STK10: variants seen among roughly 807,000 people sequenced by gnomAD.
STK10 encodes serine/threonine kinase 10.
Under a neutral mutation model 113.8 loss-of-function variants are expected in STK10, and 78 were observed. That is an observed-to-expected ratio of 0.69 (90% CI 0.57 to 0.83). The LOEUF is 0.83. Ranked by LOEUF, STK10 falls within the 40% of genes least tolerant of loss-of-function variation. The probability of loss-of-function intolerance (pLI) is 0.00; values close to 1 mark genes in which losing one functional copy is unlikely to be tolerated. For synonymous variants in STK10, 465 were observed against 494.7 expected (o/e 0.94, Z 0.80); for missense variants, 1,109 against 1,280.1 (o/e 0.87, Z 2.04).
chr5:172,111,271 T>C (rs1193553458), intron 4 of STK10, among the ~76,000 whole-genome samples: 1 of 152,106 alleles, frequency 6.6e-6, no homozygotes, highest in African/African-American at 2.4e-5. Context: ...AGGAAACCTT[T>C]TGGGAACAGT....
chr5:172,091,215 G>A (rs757187728), intron 9 of STK10, among the ~76,000 whole-genome samples: 4 of 152,072 alleles, frequency 2.6e-5, no homozygotes, highest in Non-Finnish European at 4.4e-5. Context: ...CACAATCCTC[G>A]CGCATGGTGC....
intron 4 of STK10, among the ~76,000 whole-genome samples, chr5:172,110,933 C>T (rs886518336): frequency 4.6e-5 from 7 of 152,174 alleles, no homozygotes; most frequent in African/African-American, 7.2e-5. Flanking sequence ...CCCGGCACCT[C>T]CTGGGAGTGG....
intron 2 of STK10, among the ~76,000 whole-genome samples, chr5:172,148,306 G>C (rs868079886): frequency 1.3e-5 from 2 of 152,176 alleles, no homozygotes; most frequent in African/African-American, 2.4e-5. Flanking sequence ...GTGACAGGGT[G>C]GGGGGCAGAG....
chr5:172,158,096 T>C (rs548393227), intron 1 of STK10, among the ~76,000 whole-genome samples: 129 of 152,274 alleles, frequency 8.5e-4, no homozygotes, highest in African/African-American at 3.0e-3. Context: ...CACACTAAGA[T>C]GGCTATAATT....
intron 1 of STK10, among the ~76,000 whole-genome samples, chr5:172,171,196 C>T (rs1475731226): frequency 6.6e-6 from 1 of 152,094 alleles, no homozygotes; most frequent in Non-Finnish European, 1.5e-5. Flanking sequence ...AAAATCAAAG[C>T]TTTTCATAAT....
At chr5:172,088,105 G>C (rs999064109) in intron 10 of STK10, among the ~76,000 whole-genome samples, 1 of 151,794 alleles carries the variant, frequency 6.6e-6, no homozygotes, top group South Asian at 2.1e-4. Context: ...TTTTTGTAGA[G>C]ACACTAGGTT....
At position 172,130,661 on chromosome 5, in the gene STK10, T is replaced by C. The variant is rs138582524; in HGVS notation, c.322-3240A>G. Among the ~76,000 whole-genome samples, 24 of 152,288 alleles carry C rather than the reference T, an allele frequency of 1.6e-4. 1 individual carries two copies. The East Asian group carries it at 4.6e-3, about 29-fold the overall frequency. ...TTGTAAACCTGGGGTCGAGTCCTGG[T>C]GTGCCACTTAATTGACTACATGACC... On this transcript the variant is annotated intron_variant, in intron 2 of 18. Coordinates refer to ENST00000176763, the MANE Select transcript of STK10 (RefSeq NM_005990.4).
chr5:172,053,100 T>C (rs1767666988), intron 17 of STK10, 58 bp from the exon 18 acceptor site: 5 of 1,406,884 alleles, frequency 3.6e-6, no homozygotes, highest in Non-Finnish European at 5.0e-6. Context: ...CCCTGAAGAC[T>C]GAGACACACC....
At chr5:172,084,787 C>T (rs934057936) in intron 10 of STK10, among the ~76,000 whole-genome samples, 2 of 151,910 alleles carry the variant, frequency 1.3e-5, no homozygotes, top group Non-Finnish European at 2.9e-5. Flanking sequence ...GAATATTATA[C>T]TTACTGAACG....
At chr5:172,117,049 C>T (rs959643608) in intron 4 of STK10, among the ~76,000 whole-genome samples, 2 of 152,014 alleles carry the variant, frequency 1.3e-5, no homozygotes, top group Admixed American at 6.6e-5. Context: ...GAGGCCAAGG[C>T]GGGCAGATCA....
chr5:172,100,405 T>G (rs1768961591), intron 7 of STK10, among the ~76,000 whole-genome samples: 1 of 152,166 alleles, frequency 6.6e-6, no homozygotes, highest in Non-Finnish European at 1.5e-5. Flanking sequence ...TAAACAGATG[T>G]CCTTTCCAAG....
chr5:172,127,509 C>T, intron 2 of STK10, 88 bp from the exon 3 acceptor site: 2 of 1,409,748 alleles, frequency 1.4e-6, no homozygotes, highest in Non-Finnish European at 2.0e-6. Flanking sequence ...GCAGGGTCCA[C>T]CCATGCCCAA....
At chr5:172,147,222 C>T (rs1770104457) in intron 2 of STK10, among the ~76,000 whole-genome samples, 1 of 152,168 alleles carries the variant, frequency 6.6e-6, no homozygotes, top group Non-Finnish European at 1.5e-5. Context: ...CACCACCCTC[C>T]AGGAAGCTCC....
At chr5:172,057,000 AGAAG>A (rs201745448) in intron 15 of STK10, 5,718 of 81,588 alleles carry the variant, frequency 0.07, 280 homozygotes, top group Non-Finnish European at 0.082. Context: ...AGAAAGAGAA[AGAAG>A]GAAAGAAAGA....
intron 1 of STK10, among the ~76,000 whole-genome samples, chr5:172,184,911 T>A (rs1770925620): frequency 6.6e-6 from 1 of 152,160 alleles, no homozygotes; most frequent in Non-Finnish European, 1.5e-5. Context: ...TCCACCCGCC[T>A]CGGCCTCCTG....
intron 1 of STK10, among the ~76,000 whole-genome samples, chr5:172,184,323 C>T (rs971175874): frequency 1.3e-5 from 2 of 152,064 alleles, no homozygotes; most frequent in Non-Finnish European, 2.9e-5. Flanking sequence ...CAGCACCTCT[C>T]GAGTAGGCAG....
intron 1 of STK10, among the ~76,000 whole-genome samples, chr5:172,166,320 C>T (rs982983459): frequency 4.6e-5 from 7 of 152,150 alleles, no homozygotes; most frequent in African/African-American, 1.7e-4. Context: ...GGACTCTACC[C>T]GTAGACTTCT....
chr5:172,174,631 A>G (rs974451483), intron 1 of STK10, among the ~76,000 whole-genome samples: 1 of 152,208 alleles, frequency 6.6e-6, no homozygotes, highest in Non-Finnish European at 1.5e-5. Context: ...GTTTGTAACA[A>G]CAGCCCTGAA....
intron 10 of STK10, among the ~76,000 whole-genome samples, chr5:172,085,914 G>A (rs919696059): frequency 8.5e-5 from 13 of 152,096 alleles, no homozygotes; most frequent in East Asian, 1.9e-4. Context: ...CTCATGACTC[G>A]GAGGGGCCAT....
Sources: allele counts gnomAD v4.1 joint callset (sites outside exome capture counted in the v4.1 genomes callset), GRCh38; gene constraint gnomAD v4.1.1; transcripts MANE v1.5; gene names NCBI Gene and HGNC (gene_info 2026-07-23, HGNC 2026-07-21).